The following COG5 variants were observed in gnomAD, a reference collection of about 807,000 sequenced individuals.
COG5 encodes conserved oligomeric Golgi complex subunit 5.
A neutral mutation model predicts 110.4 loss-of-function variants in COG5; 86 were observed. The observed-to-expected ratio is 0.78, with a 90% CI of 0.65 to 0.93. The LOEUF (loss-of-function observed/expected upper bound fraction) is 0.93, where lower values mean the gene tolerates loss of function less well. Among genes scored for constraint, COG5 ranks in the 40% least tolerant of loss-of-function variants. The probability of loss-of-function intolerance (pLI) is 0.00; values close to 1 mark genes in which losing one functional copy is unlikely to be tolerated. For missense variants in COG5, 1,077 were observed against 987.0 expected (o/e 1.09, Z -1.22); for synonymous variants, 360 against 334.6 (o/e 1.08, Z -0.83).
chr7:107,405,236 A>G (rs1791748230), intron 7 of COG5, among the ~76,000 whole-genome samples: 1 of 152,168 alleles, frequency 6.6e-6, no homozygotes, highest in Non-Finnish European at 1.5e-5. Context: ...TTCTTCACAG[A>G]TCTGTTACTG....
intron 10 of COG5, among the ~76,000 whole-genome samples, chr7:107,336,844 G>A (rs1810742052): frequency 6.6e-6 from 1 of 152,126 alleles, no homozygotes; most frequent in Non-Finnish European, 1.5e-5. Flanking sequence ...TGGGCCTGGG[G>A]AATGACCCAG....
chr7:107,467,790 G>A (rs1246345791), intron 6 of COG5, among the ~76,000 whole-genome samples: 1 of 151,974 alleles, frequency 6.6e-6, no homozygotes, highest in Non-Finnish European at 1.5e-5. Context: ...ACCAATTTGT[G>A]GTTTTTAAAA....
intron 6 of COG5, among the ~76,000 whole-genome samples, chr7:107,429,751 C>G (rs895453405): frequency 2.0e-5 from 3 of 152,072 alleles, no homozygotes; most frequent in Admixed American, 6.6e-5. Flanking sequence ...CTCATGAGAT[C>G]TGATGGTTTT....
chr7:107,436,726 T>G (rs1008078274), intron 6 of COG5, among the ~76,000 whole-genome samples: 4 of 152,142 alleles, frequency 2.6e-5, no homozygotes, highest in African/African-American at 9.7e-5. Flanking sequence ...GAAAGAAAAC[T>G]AAAATTGAAT....
In COG5 at chr7:107,203,493, A is replaced by G. The variant is rs1451710769; in HGVS notation, c.*23T>C. On this transcript the variant is annotated 3_prime_UTR_variant, in exon 22 of 22. Transcript: ENST00000297135. ...CTATGAATGGGTTAGCACAAAGTGG[A>G]GATGAACAAAGATTTCATGTCATTA... is the stretch of plus-strand genomic sequence containing the variant. 6.6e-7 allele frequency: 1 copy of G among 1,511,194 alleles called. No homozygotes were observed. The highest frequency in any genetic ancestry group is 2.3e-5 in the East Asian group (1 of 44,364). 93.6% of individuals were successfully genotyped at this position (1,511,194 alleles called of 1,614,324 possible).
chr7:107,249,689 ATTGTGTGT>A, intron 16 of COG5, among the ~76,000 whole-genome samples: 1 of 99,864 alleles, frequency 1.0e-5, no homozygotes, highest in South Asian at 3.6e-4. Context: ...AACGTACAGG[ATTGTGTGT>A]GTGTGTGTGT....
At chr7:107,311,425 C>T (rs1418114107) in intron 11 of COG5, among the ~76,000 whole-genome samples, 7 of 115,468 alleles carry the variant, frequency 6.1e-5, no homozygotes, top group Admixed American at 1.2e-4. Context: ...CTCGCTCTGT[C>T]GCCCAGGCCA....
At chr7:107,230,157 T>G (rs558435763) in intron 19 of COG5, among the ~76,000 whole-genome samples, 1 of 152,238 alleles carries the variant, frequency 6.6e-6, no homozygotes, top group East Asian at 1.9e-4. Context: ...AGCCATGAAC[T>G]TGATTCTTTT....
chr7:107,484,024 A>G (rs1797505349), intron 6 of COG5, among the ~76,000 whole-genome samples: 1 of 152,148 alleles, frequency 6.6e-6, no homozygotes, highest in South Asian at 2.1e-4. Flanking sequence ...AATGTTAGAT[A>G]TAATTTTATT....
At chr7:107,494,816 C>G (rs1798171273) in intron 6 of COG5, among the ~76,000 whole-genome samples, 1 of 151,998 alleles carries the variant, frequency 6.6e-6, no homozygotes. Flanking sequence ...CACTCACTAC[C>G]ACAACTCCCA....
rs143100690 is a variant in COG5, at chr7:107,406,250, T to C, written c.669+6252A>G. ...GCTGAGACATACAACAAAATTATAG[T>C]TCCCTGACTCCTATTTTTCTAAGAT... is the stretch of plus-strand genomic sequence containing the variant. On this transcript the variant is annotated intron_variant, in intron 7 of 21. Transcript: ENST00000297135. Among the ~76,000 whole-genome samples, 246 of 152,312 alleles carry C rather than the reference T, an allele frequency of 1.6e-3. 1 individual carries two copies. The highest frequency in any genetic ancestry group is 5.6e-3 in the African/African-American group (231 of 41,576).
intron 11 of COG5, among the ~76,000 whole-genome samples, chr7:107,322,569 G>A (rs1809403519): frequency 6.6e-6 from 1 of 152,010 alleles, no homozygotes; most frequent in African/African-American, 2.4e-5. Flanking sequence ...TAAAATAACT[G>A]ACAATATCAT....
At chr7:107,508,321 A>G (rs1013939797) in intron 6 of COG5, among the ~76,000 whole-genome samples, 5 of 152,220 alleles carry the variant, frequency 3.3e-5, no homozygotes, top group Admixed American at 6.5e-5. Flanking sequence ...AGGCAGCAGC[A>G]AGGCTGGGGG....
At chr7:107,524,879 C>G (rs144371361) in intron 6 of COG5, among the ~76,000 whole-genome samples, 2 of 152,106 alleles carry the variant, frequency 1.3e-5, no homozygotes, top group Admixed American at 1.3e-4. Flanking sequence ...CTGCATTATA[C>G]TAACTCAGAA....
At chr7:107,388,856 A>G (rs1177358852) in intron 7 of COG5, among the ~76,000 whole-genome samples, 1 of 152,128 alleles carries the variant, frequency 6.6e-6, no homozygotes, top group African/African-American at 2.4e-5. Context: ...GAGATGAAGG[A>G]ACTGACCCTA....
At chr7:107,407,703 G>A (rs1791960328) in intron 7 of COG5, among the ~76,000 whole-genome samples, 1 of 150,744 alleles carries the variant, frequency 6.6e-6, no homozygotes, top group South Asian at 2.1e-4. Flanking sequence ...GGCTATTTGG[G>A]GAAGTTAAGG....
chr7:107,539,095 T>A (rs554972965), intron 5 of COG5, among the ~76,000 whole-genome samples: 1 of 151,758 alleles, frequency 6.6e-6, no homozygotes, highest in Non-Finnish European at 1.5e-5. Context: ...CTGGGCAACA[T>A]AGTGAGAGAC....
intron 5 of COG5, among the ~76,000 whole-genome samples, chr7:107,536,335 C>T (rs112370447): frequency 0.27 from 40,419 of 151,964 alleles, 5,498 homozygotes; most frequent in East Asian, 0.33. Flanking sequence ...AAATTATTTC[C>T]GTTTGCAGAT....
At chr7:107,227,733 G>C (rs1280940468) in intron 19 of COG5, among the ~76,000 whole-genome samples, 1 of 151,886 alleles carries the variant, frequency 6.6e-6, no homozygotes, top group African/African-American at 2.4e-5. Context: ...GGGCGGTAAA[G>C]GGTCTCAGTC....
Sources: allele counts gnomAD v4.1 joint callset (sites outside exome capture counted in the v4.1 genomes callset), GRCh38; gene constraint gnomAD v4.1.1; transcripts MANE v1.5; gene names NCBI Gene and HGNC (gene_info 2026-07-23, HGNC 2026-07-21).